The following NSMCE4A variants were observed in gnomAD, a reference collection of about 807,000 sequenced individuals.
NSMCE4A encodes non-structural maintenance of chromosomes element 4 homolog A.
NSMCE4A carries 40 observed loss-of-function variants against 47.9 expected under a neutral mutation model. The ratio of observed to expected loss-of-function variants is 0.83; its 90% CI spans 0.65 to 1.09. NSMCE4A has a LOEUF of 1.09. Ranked by LOEUF, NSMCE4A falls within the 50% of genes least tolerant of loss-of-function variation. NSMCE4A has a pLI of 0.00. For missense variants in NSMCE4A, 500 were observed against 507.0 expected (o/e 0.99, Z 0.13); for synonymous variants, 166 against 178.5 (o/e 0.93, Z 0.56).
intron 3 of NSMCE4A, 90 bp downstream of exon 3, chr10:121,970,849 G>T (rs867614237): frequency 1.0e-5 from 12 of 1,156,232 alleles, no homozygotes; most frequent in Middle Eastern, 2.9e-4. Context: ...AGAATGAAGT[G>T]AAATCATCTG....
intron 3 of NSMCE4A, 151 bp from the exon 4 acceptor site, chr10:121,967,957 A>G (rs1952638651): frequency 1.4e-6 from 1 of 732,778 alleles, no homozygotes; most frequent in South Asian, 2.0e-5. Flanking sequence ...TACTGTGAAG[A>G]TAACTTTACA....
At chr10:121,972,552 A>C (rs1055929809) in intron 2 of NSMCE4A, among the ~76,000 whole-genome samples, 1 of 152,178 alleles carries the variant, frequency 6.6e-6, no homozygotes, top group African/African-American at 2.4e-5. Flanking sequence ...CAATGAGTGA[A>C]TAATTTTGCT....
At position 121,974,666 on chromosome 10, in the gene NSMCE4A, G is replaced by A. The variant is rs541345008; in HGVS notation, c.292+208C>T. 1.5e-4 allele frequency: 168 copies of A among 1,094,352 alleles called. 2 individuals are homozygous for A. The East Asian group carries it at 5.7e-3, about 37-fold the overall frequency. The allele number at this position is 1,094,352 out of a possible 1,614,324, so 67.8% of individuals were successfully genotyped here. On this transcript the variant is annotated intron_variant, in intron 1 of 10. Transcript: ENST00000369023. ...TTTCCAGCCCGCCACTCGGGGACCC[G>A]CGCCAAGGTCGTACGGCTCCAGCCA...
chr10:121,973,980 A>C (rs777025611), intron 2 of NSMCE4A, 24 bp downstream of exon 2: 1 of 1,496,644 alleles, frequency 6.7e-7, no homozygotes, highest in South Asian at 1.2e-5. Flanking sequence ...AAAACACGAA[A>C]TAACATATAA....
chr10:121,974,116 T>C (rs1369519274), intron 1 of NSMCE4A, 35 bp from the exon 2 acceptor site: 1 of 1,537,912 alleles, frequency 6.5e-7, no homozygotes. Context: ...GGAAATTTGT[T>C]CAGCATTCAC....
In NSMCE4A at chr10:121,959,379, G is replaced by C; in HGVS notation, c.1115C>G (p.Pro372Arg). 6.2e-7 allele frequency: 1 copy of C among 1,614,192 alleles called. No homozygotes were observed. The highest frequency in any genetic ancestry group is 1.7e-5 in the Admixed American group (1 of 60,032). Residue 372 changes from proline (P) to arginine (R), a missense_variant, in exon 10 of 11, where the codon CCT (proline) becomes CGT (arginine). Transcript: ENST00000369023. ...CTGCCTCTGACTTGGAGTAATCACA[G>C]GCTCTGAAATCTCAAAGGTCTTCAC... ...EIVKTFEISE[P>R]VITPSQRQQK... is the part of the protein sequence containing the mutation.
intron 1 of NSMCE4A, 96 bp downstream of exon 1, chr10:121,974,778 G>C (rs1482568646): frequency 2.5e-6 from 3 of 1,192,522 alleles, no homozygotes; most frequent in Non-Finnish European, 2.1e-6. Context: ...CCGGGCCTCC[G>C]CCCGGCACCT....
intron 10 of NSMCE4A, among the ~76,000 whole-genome samples, chr10:121,957,587 C>A (rs1354539115): frequency 1.3e-5 from 2 of 151,926 alleles, no homozygotes; most frequent in Non-Finnish European, 2.9e-5. Context: ...GCGCCCACCA[C>A]CACGCCCAGC....
At chr10:121,959,809 T>C in intron 8 of NSMCE4A, 1 of 575,100 alleles carries the variant, frequency 1.7e-6, no homozygotes, top group East Asian at 2.9e-5. Context: ...AAACATGTAG[T>C]AGAGTAACAC....
chr10:121,975,092 C>A lies in NSMCE4A; in HGVS notation c.74G>T (p.Arg25Leu). 1 of 1,442,054 alleles carries A rather than the reference C, an allele frequency of 6.9e-7. No individual in the cohort carries two copies. The highest frequency in any genetic ancestry group is 9.0e-7 in the Non-Finnish European group (1 of 1,108,396). 89.3% of individuals were successfully genotyped at this position (1,442,054 alleles called of 1,614,324 possible). The part of the protein sequence containing the change: ...RGRDPHRDRT[R>L]SRSRSRSPLS... ...AGGGGACCGCGAGCGGGAGCGGGAGCGGGTGCGATCCCGATGCGGGTCGCG... is the reference window on the plus strand; with the variant it reads ...AGGGGACCGCGAGCGGGAGCGGGAGAGGGTGCGATCCCGATGCGGGTCGCG... Residue 25 changes from arginine (R) to leucine (L), a missense_variant, in exon 1 of 11, where the codon CGC becomes CTC. Arg to Leu is a moderately radical substitution (Grantham distance 102, BLOSUM62 -2). Transcript: ENST00000369023.
chr10:121,970,937 A>T lies in NSMCE4A; in HGVS notation c.501+2T>A, dbSNP rs1952696474. On this transcript the variant is annotated splice_donor_variant, in intron 3 of 10. Coordinates refer to ENST00000369023, the MANE Select transcript of NSMCE4A (RefSeq NM_017615.3). LOFTEE classifies it high-confidence loss of function. ...ATTCAGAGTCTGTAGCTTTGAACTT[A>T]CTAGAGTTTCAACATATCTTAACAT... 6.2e-7 allele frequency: 1 copy of T among 1,605,766 alleles called. No homozygotes were observed. Among genetic ancestry groups the T allele is most frequent in the Non-Finnish European group, 8.5e-7 (1 of 1,176,114 alleles).
chr10:121,961,497 A>C lies in NSMCE4A; in HGVS notation c.865T>G (p.Phe289Val). The change falls in exon 7 of 11, where the codon TTT becomes GTT. Residue 289 changes from phenylalanine (F) to valine (V), a missense_variant. Physicochemically the swap from Phe to Val is conservative, Grantham distance 50 (BLOSUM62 -1). Coordinates refer to ENST00000369023, the MANE Select transcript of NSMCE4A (RefSeq NM_017615.3). ...GAATGAGGATCAACCACAAAGTCAA[A>C]GAAGGACATTGGGGTATCAGCTATA... ...REDPDTPMSF[F>V]DFVVDPHSFP... 1.3e-6 allele frequency: 2 copies of C among 1,566,780 alleles called. No homozygotes were observed. Among genetic ancestry groups the C allele is most frequent in the South Asian group, 2.4e-5 (2 of 82,862 alleles).
At chr10:121,972,856 G>A (rs1190169377) in intron 2 of NSMCE4A, among the ~76,000 whole-genome samples, 1 of 152,162 alleles carries the variant, frequency 6.6e-6, no homozygotes, top group Non-Finnish European at 1.5e-5. Flanking sequence ...AGAAATTGGA[G>A]AGCATATATA....
intron 3 of NSMCE4A, among the ~76,000 whole-genome samples, chr10:121,968,873 C>T (rs948374034): frequency 3.9e-5 from 6 of 152,144 alleles, no homozygotes; most frequent in African/African-American, 1.2e-4. Context: ...TGTAGGCAGA[C>T]GTGGCAGTTT....
At position 121,967,700 on chromosome 10, in the gene NSMCE4A, C is replaced by T. The variant is rs536002194; in HGVS notation, c.608G>A (p.Arg203Lys). ...IVYDSWKITG[R>K]TAENTFNKTH... ...TTTATTAAAGGTGTTTTCTGCTGTT[C>T]TGCCTGTTATCTTCCAGGAGTCATA... is the stretch of plus-strand genomic sequence containing the variant. The change falls in exon 4 of 11, where the codon AGA becomes AAA. Residue 203 changes from arginine to lysine, a missense_variant. Transcript: ENST00000369023. 1.9e-6 allele frequency: 3 copies of T among 1,613,878 alleles called. No homozygotes were observed. Among genetic ancestry groups the T allele is most frequent in the South Asian group, 2.2e-5 (2 of 90,960 alleles).
chr10:121,962,217 G>A (rs1952514733), intron 6 of NSMCE4A: 1 of 267,138 alleles, frequency 3.7e-6, no homozygotes, highest in Non-Finnish European at 7.3e-6. Context: ...AGGAGATCAA[G>A]ACCATCCTGG....
At chr10:121,969,032 AT>A (rs1330127545) in intron 3 of NSMCE4A, among the ~76,000 whole-genome samples, 2 of 152,216 alleles carry the variant, frequency 1.3e-5, no homozygotes, top group African/African-American at 4.8e-5. Context: ...TCCAGAATTT[AT>A]TTTGATATGT....
Position 121,975,179 on chromosome 10 carries a change from C to A in NSMCE4A, c.-14G>T. On this transcript the variant is annotated 5_prime_UTR_variant, in exon 1 of 11. Transcript: ENST00000369023. Reference sequence around the variant, plus strand: ...GTCCCCAGACATAGCGCCAATTCACCGTGCAACTTCGGAACGGCGGAAGTT... The same window carrying A: ...GTCCCCAGACATAGCGCCAATTCACAGTGCAACTTCGGAACGGCGGAAGTT... The A allele has an allele frequency of 5.9e-6, 8 of 1,361,812 alleles. No individual in the cohort carries two copies. The highest frequency in any genetic ancestry group is 6.6e-6 in the Non-Finnish European group (7 of 1,063,642). The allele number at this position is 1,361,812 out of a possible 1,614,324, so 84.4% of individuals were successfully genotyped here. A position where few individuals can be genotyped will look rare whatever the true frequency, so the allele number is the denominator to read the frequency against.
Position 121,974,971 on chromosome 10 carries a change from G to C in NSMCE4A, c.195C>G (p.Asp65Glu), listed in dbSNP as rs745394693. The change falls in exon 1 of 11, where the codon GAC becomes GAG. Residue 65 changes from aspartate (D) to glutamate (E), a missense_variant. Physicochemically the swap from Asp to Glu is conservative, Grantham distance 45. Coordinates refer to ENST00000369023, the MANE Select transcript of NSMCE4A (RefSeq NM_017615.3). ...LEDTEPSDSG[D>E]EMMDPASLEA... ...CCAAGCTGGCCGGGTCCATCATCTC[G>C]TCCCCGGAATCCGACGGCTCTGTGT... 2.6e-6 allele frequency: 4 copies of C among 1,527,282 alleles called. No homozygotes were observed. In the South Asian group the frequency reaches 4.9e-5, roughly 19 times the overall value. The allele number at this position is 1,527,282 out of a possible 1,614,324, so 94.6% of individuals were successfully genotyped here. A position where few individuals can be genotyped will look rare whatever the true frequency, so the allele number is the denominator to read the frequency against.
Sources: allele counts gnomAD v4.1 joint callset (sites outside exome capture counted in the v4.1 genomes callset), GRCh38; gene constraint gnomAD v4.1.1; transcripts MANE v1.5; gene names NCBI Gene and HGNC (gene_info 2026-07-23, HGNC 2026-07-21).